MYO5B: variants seen among roughly 807,000 people sequenced by gnomAD.
MYO5B encodes myosin VB.
MYO5B carries 143 observed loss-of-function variants against 229.3 expected under a neutral mutation model. The ratio of observed to expected loss-of-function variants is 0.62; its 90% confidence interval spans 0.54 to 0.72. The LOEUF (loss-of-function observed/expected upper bound fraction) is 0.72. Among genes scored for constraint, MYO5B ranks in the 30% least tolerant of loss-of-function variants. MYO5B has a pLI of 0.00. For missense variants in MYO5B, 2,321 were observed against 2,331.0 expected (o/e 1.00, Z 0.09); for synonymous variants, 918 against 885.2 (o/e 1.04, Z -0.66).
intron 8 of MYO5B, among the ~76,000 whole-genome samples, chr18:49,982,650 T>C (rs1406021175): frequency 6.6e-6 from 1 of 152,176 alleles, no homozygotes; most frequent in Admixed American, 6.5e-5. Context: ...ATAACTAAGT[T>C]CTATCGGAAC....
intron 14 of MYO5B, 27 bp downstream of exon 14, chr18:49,953,233 C>T (rs2025448472): frequency 1.2e-6 from 2 of 1,604,342 alleles, no homozygotes; most frequent in East Asian, 2.2e-5. Context: ...CATTCCTGCT[C>T]CACTCCCCAC....
At chr18:49,892,442 C>T (rs1218837904) in intron 22 of MYO5B, among the ~76,000 whole-genome samples, 1 of 152,208 alleles carries the variant, frequency 6.6e-6, no homozygotes, top group African/African-American at 2.4e-5. Context: ...CAGAGTTTTC[C>T]AGCATAGCAG....
At chr18:50,117,076 C>G (rs1270801313) in intron 1 of MYO5B, among the ~76,000 whole-genome samples, 1 of 152,114 alleles carries the variant, frequency 6.6e-6, no homozygotes, top group Non-Finnish European at 1.5e-5. Context: ...TAAGCAATCT[C>G]TGAATATTCA....
chr18:49,997,777 G>C (rs1166877219), intron 5 of MYO5B, among the ~76,000 whole-genome samples: 1 of 152,008 alleles, frequency 6.6e-6, no homozygotes, highest in Non-Finnish European at 1.5e-5. Flanking sequence ...TAGACCACTG[G>C]GATTTCCGCC....
intron 21 of MYO5B, among the ~76,000 whole-genome samples, chr18:49,901,837 T>C (rs987024425): frequency 6.6e-6 from 1 of 152,222 alleles, no homozygotes; most frequent in African/African-American, 2.4e-5. Context: ...TAGGATGCCA[T>C]GTGCCCTTCC....
intron 22 of MYO5B, among the ~76,000 whole-genome samples, chr18:49,890,770 G>C (rs1322380389): frequency 6.6e-6 from 1 of 152,162 alleles, no homozygotes; most frequent in African/African-American, 2.4e-5. Context: ...CCTAGGTAGG[G>C]ACAATACCTT....
intron 4 of MYO5B, among the ~76,000 whole-genome samples, chr18:50,028,355 G>A (rs997959483): frequency 3.9e-5 from 6 of 152,184 alleles, no homozygotes; most frequent in Non-Finnish European, 5.9e-5. Flanking sequence ...AATTCTGCAT[G>A]AGTACCTCAT....
At chr18:49,930,115 C>T (rs564259047) in intron 16 of MYO5B, among the ~76,000 whole-genome samples, 6 of 152,210 alleles carry the variant, frequency 3.9e-5, no homozygotes, top group African/African-American at 1.4e-4. Context: ...ACTTCATGTC[C>T]CCTTGGGCCT....
intron 1 of MYO5B, among the ~76,000 whole-genome samples, chr18:50,136,672 G>A (rs1208927094): frequency 6.6e-6 from 1 of 152,166 alleles, no homozygotes; most frequent in Non-Finnish European, 1.5e-5. Flanking sequence ...GGATCTTAGG[G>A]TCTAAGGCAT....
Position 50,085,545 on chromosome 18 carries a change from C to T in MYO5B, c.28-30167G>A, listed in dbSNP as rs531319388. 3.5e-4 allele frequency among the ~76,000 whole-genome samples: 53 copies of T among 152,128 alleles called. No individual in the cohort carries two copies. The South Asian group carries it at 4.0e-3, about 11-fold the overall frequency. On this transcript the variant is annotated intron_variant, in intron 1 of 39. Transcript: ENST00000285039. ...ATCTAGAACTAGAAATACCATTTGA[C>T]CCAGCCATCCCATTACTGGGTATAT...
chr18:50,133,540 A>G (rs1468513602), intron 1 of MYO5B, among the ~76,000 whole-genome samples: 1 of 152,102 alleles, frequency 6.6e-6, no homozygotes, highest in East Asian at 1.9e-4. Flanking sequence ...TGACTCAAGA[A>G]CCAAGAGAAG....
At chr18:50,153,811 G>A (rs1366850623) in intron 1 of MYO5B, among the ~76,000 whole-genome samples, 4 of 152,170 alleles carry the variant, frequency 2.6e-5, no homozygotes, top group African/African-American at 9.7e-5. Context: ...GTGAGTGAGT[G>A]AGCGAGCGGG....
chr18:50,182,731 G>A (rs1430710303), intron 1 of MYO5B, among the ~76,000 whole-genome samples: 1 of 152,214 alleles, frequency 6.6e-6, no homozygotes, highest in African/African-American at 2.4e-5. Flanking sequence ...GTTATGCCAA[G>A]CCAAAAGCCT....
intron 28 of MYO5B, 75 bp downstream of exon 28, chr18:49,864,066 G>A: frequency 6.3e-7 from 1 of 1,584,220 alleles, no homozygotes; most frequent in Non-Finnish European, 8.5e-7. Flanking sequence ...CGTGGGTAAA[G>A]ATAATTAAAA....
At chr18:50,085,136 A>C (rs2031303600) in intron 1 of MYO5B, among the ~76,000 whole-genome samples, 3 of 152,206 alleles carry the variant, frequency 2.0e-5, no homozygotes, top group African/African-American at 7.2e-5. Context: ...CAACCTACAG[A>C]ATGGGAGAAA....
At chr18:49,922,438 A>G (rs2025084854) in intron 17 of MYO5B, among the ~76,000 whole-genome samples, 2 of 152,214 alleles carry the variant, frequency 1.3e-5, no homozygotes, top group South Asian at 4.1e-4. Context: ...AGTAAATGCC[A>G]TCCTACATGC....
At chr18:49,838,112 G>A (rs908142049) in intron 36 of MYO5B, among the ~76,000 whole-genome samples, 2 of 152,200 alleles carry the variant, frequency 1.3e-5, no homozygotes, top group East Asian at 3.8e-4. Context: ...AGCAACCTGG[G>A]TGTCATCCTC....
intron 15 of MYO5B, 46 bp from the exon 16 acceptor site, chr18:49,936,395 G>C: frequency 7.2e-7 from 1 of 1,389,276 alleles, no homozygotes; most frequent in Non-Finnish European, 1.0e-6. Context: ...ACAAGTCGTG[G>C]ATGTGTGATA....
At chr18:50,066,279 C>A (rs2030817797) in intron 1 of MYO5B, among the ~76,000 whole-genome samples, 1 of 152,182 alleles carries the variant, frequency 6.6e-6, no homozygotes, top group African/African-American at 2.4e-5. Context: ...TCATGGACAT[C>A]ATTTGTCCTA....
Sources: allele counts gnomAD v4.1 joint callset (sites outside exome capture counted in the v4.1 genomes callset), GRCh38; gene constraint gnomAD v4.1.1; transcripts MANE v1.5; gene names NCBI Gene and HGNC (gene_info 2026-07-23, HGNC 2026-07-21).